EPHX1: variants seen among roughly 807,000 people sequenced by gnomAD.
EPHX1 encodes the protein epoxide hydratase.
Under a neutral mutation model 43.2 loss-of-function variants are expected in EPHX1, and 40 were observed. The ratio of observed to expected loss-of-function variants is 0.93; its 90% CI spans 0.72 to 1.21. EPHX1 has a LOEUF of 1.21. EPHX1 is among the 50% of genes most tolerant of loss of function. EPHX1 has a pLI of 0.00. For missense variants in EPHX1, 550 were observed against 570.4 expected, an observed-to-expected ratio of 0.96 and a Z score of 0.36; for synonymous variants, 221 against 226.7, an observed-to-expected ratio of 0.98 and a Z score of 0.22.
At chr1:225,811,818 G>A (rs2102671256) in intron 1 of EPHX1, among the ~76,000 whole-genome samples, 1 of 152,276 alleles carries the variant, frequency 6.6e-6, no homozygotes, top group South Asian at 2.1e-4. Context: ...AGGCATGGGC[G>A]GTACTTAGGA....
At chr1:225,832,350 A>G (rs1441586036) in intron 3 of EPHX1, among the ~76,000 whole-genome samples, 1 of 152,202 alleles carries the variant, frequency 6.6e-6, no homozygotes, top group Non-Finnish European at 1.5e-5. Flanking sequence ...AGCCTGGCCA[A>G]GATGGTGAAA....
chr1:225,845,555 A>C lies in EPHX1; in HGVS notation c.*208A>C, dbSNP rs781618590. 1.6e-6 allele frequency: 1 copy of C among 612,718 alleles called. No individual in the cohort carries two copies. Among genetic ancestry groups the C allele is most frequent in the Non-Finnish European group, 2.9e-6 (1 of 348,700 alleles). 38.0% of individuals were successfully genotyped at this position (612,718 alleles called of 1,614,324 possible). ...CATGGCTTTGATGATAAACGACTTT[A>C]CTCTAAAAGCGGCTGGAACTCAGTG... On this transcript the variant is annotated 3_prime_UTR_variant, in exon 9 of 9. Transcript: ENST00000272167.
At chr1:225,833,030 G>A (rs181538510) in intron 3 of EPHX1, among the ~76,000 whole-genome samples, 4 of 152,274 alleles carry the variant, frequency 2.6e-5, no homozygotes, top group Admixed American at 2.6e-4. Context: ...TGCTCAGGCT[G>A]GAGTGCAGCG....
Position 225,845,447 on chromosome 1 carries a change from C to T in EPHX1, c.*100C>T. 7.7e-7 allele frequency: 1 copy of T among 1,305,012 alleles called. No individual in the cohort carries two copies. Among genetic ancestry groups the T allele is most frequent in the Non-Finnish European group, 1.1e-6 (1 of 948,538 alleles). The allele number at this position is 1,305,012 out of a possible 1,614,324, so 80.8% of individuals were successfully genotyped here. On this transcript the variant is annotated 3_prime_UTR_variant, in exon 9 of 9. Coordinates refer to ENST00000272167, the MANE Select transcript of EPHX1 (RefSeq NM_001136018.4). ...TTCTGAGGAATGAGTTTGCCTCCGT[C>T]CCCTGCCCATGCTGGGAGCCCACGC...
chr1:225,839,835 G>T lies in EPHX1; in HGVS notation c.729G>T (p.Val243=). 6.2e-7 allele frequency: 1 copy of T among 1,613,836 alleles called. No individual in the cohort carries two copies. Among genetic ancestry groups the T allele is most frequent in the Non-Finnish European group, 8.5e-7 (1 of 1,179,950 alleles). The change falls in exon 6 of 9, where the codon GTG becomes GTT. Residue 243 remains valine, a synonymous_variant. Transcript: ENST00000272167. ...CCCCTCTCTCTGCCTTCAGCCACGT[G>T]AAAGGCCTGCACTTGAACATGGCTT... is the stretch of plus-strand genomic sequence containing the variant. ...TNMAQLVPSH[V]KGLHLNMALV...
At chr1:225,833,898 C>T (rs1300401466) in intron 3 of EPHX1, among the ~76,000 whole-genome samples, 9 of 149,998 alleles carry the variant, frequency 6.0e-5, no homozygotes, top group East Asian at 5.9e-4. Context: ...GAGATCGAGA[C>T]CATCCTGGTC....
chr1:225,829,049 C>A, intron 2 of EPHX1, 137 bp downstream of exon 2: 1 of 1,072,414 alleles, frequency 9.3e-7, no homozygotes. Flanking sequence ...GTGTTTCAGT[C>A]TGCTTTTCCT....
At chr1:225,843,332 A>G (rs1668592887) in intron 7 of EPHX1, among the ~76,000 whole-genome samples, 1 of 152,196 alleles carries the variant, frequency 6.6e-6, no homozygotes, top group African/African-American at 2.4e-5. Flanking sequence ...GAAAAGCAAT[A>G]AAAATGCAAG....
chr1:225,828,776 A>G lies in EPHX1; in HGVS notation c.47A>G (p.Tyr16Cys). Residue 16 changes from tyrosine (Y) to cysteine (C), a missense_variant, in exon 2 of 9, where the codon TAC becomes TGC. Transcript: ENST00000272167. ...LLTSVLGFAIYWFISRDKEET... is the reference protein window; with the variant it reads ...LLTSVLGFAICWFISRDKEET... ...ACTTCAGTGCTGGGCTTTGCCATCT[A>G]CTGGTTCATCTCCCGGGACAAAGAG... 6.2e-7 allele frequency: 1 copy of G among 1,613,390 alleles called. No homozygotes were observed. Among genetic ancestry groups the G allele is most frequent in the Non-Finnish European group, 8.5e-7 (1 of 1,179,910 alleles).
intron 1 of EPHX1, among the ~76,000 whole-genome samples, chr1:225,820,230 C>T (rs1230326485): frequency 6.6e-6 from 1 of 152,132 alleles, no homozygotes; most frequent in African/African-American, 2.4e-5. Flanking sequence ...TCCTGAGTAG[C>T]TGGGATTACA....
intron 1 of EPHX1, among the ~76,000 whole-genome samples, chr1:225,824,253 G>A (rs930513988): frequency 6.6e-6 from 1 of 152,004 alleles, no homozygotes. Context: ...CCTGGGAGAC[G>A]TCTGTGCCCT....
rs548117800 is a variant in EPHX1 at position 225,811,104 on chromosome 1, C to T, written c.-6+935C>T. On this transcript the variant is annotated intron_variant, in intron 1 of 8. Coordinates refer to ENST00000272167, the MANE Select transcript of EPHX1 (RefSeq NM_001136018.4). ...CCCTCTCCTCTTGTAGAACAGGAAA[C>T]TTGCCCGGGAGTTCACCTTGTAGTT... Among the ~76,000 whole-genome samples the T allele has an allele frequency of 2.0e-5, 3 of 152,308 alleles. No homozygotes were observed. The South Asian group carries it at 6.2e-4, about 32-fold the overall frequency.
At position 225,844,490 on chromosome 1, in the gene EPHX1, G is replaced by A. The variant is rs751536768; in HGVS notation, c.1041-8G>A. On this transcript the variant is annotated splice_region_variant and splice_polypyrimidine_tract_variant and intron_variant, in intron 7 of 8. Transcript: ENST00000272167. ...CTGAGAGTGGGGCTTTGTGTTCTGC[G>A]TTCCCAGGAAGTTCTCCCTGGACGA... 28 of 1,613,928 alleles carry A rather than the reference G, an allele frequency of 1.7e-5. No homozygotes were observed. Among genetic ancestry groups the A allele is most frequent in the Admixed American group, 1.0e-4 (6 of 59,996 alleles).
In EPHX1 at chr1:225,812,899, G is replaced by A. The variant is rs534938966; in HGVS notation, c.-6+2730G>A. ...ATACTGAAAACCCACCTCTGCTAGGGCCATAAATCCCATCAACAGCAATTC... is the reference window on the plus strand; with the variant it reads ...ATACTGAAAACCCACCTCTGCTAGGACCATAAATCCCATCAACAGCAATTC... On this transcript the variant is annotated intron_variant, in intron 1 of 8. Coordinates refer to ENST00000272167, the MANE Select transcript of EPHX1 (RefSeq NM_001136018.4). Among the ~76,000 whole-genome samples, 21 of 152,278 alleles carry A rather than the reference G, an allele frequency of 1.4e-4. No individual in the cohort carries two copies. The South Asian group carries it at 4.3e-3, about 32-fold the overall frequency.
intron 3 of EPHX1, among the ~76,000 whole-genome samples, chr1:225,834,280 C>T (rs936437493): frequency 6.6e-6 from 1 of 151,540 alleles, no homozygotes; most frequent in African/African-American, 2.4e-5. Context: ...TGGCACGTGC[C>T]TGTAGTTCCA....
At chr1:225,838,926 G>C (rs926016360) in intron 4 of EPHX1, 45 bp downstream of exon 4, 11 of 1,590,902 alleles carry the variant, frequency 6.9e-6, no homozygotes, top group Non-Finnish European at 9.5e-6. Context: ...TCCTCGCCAA[G>C]GGTGGGCCCG....
At chr1:225,839,153 A>G in intron 4 of EPHX1, 64 bp from the exon 5 acceptor site, 4 of 1,611,788 alleles carry the variant, frequency 2.5e-6, no homozygotes, top group Admixed American at 1.7e-5. Context: ...ATAGAACACC[A>G]GAGGGCCCAA....
chr1:225,838,561 C>A, intron 3 of EPHX1, 93 bp from the exon 4 acceptor site: 2 of 1,111,266 alleles, frequency 1.8e-6, no homozygotes, highest in Non-Finnish European at 2.7e-6. Flanking sequence ...CTAAGGGTGG[C>A]AGGACTCAAT....
intron 3 of EPHX1, 117 bp from the exon 4 acceptor site, chr1:225,838,537 G>C (rs893738038): frequency 9.8e-6 from 8 of 819,976 alleles, no homozygotes; most frequent in Middle Eastern, 6.5e-4. Flanking sequence ...TACCATGAAG[G>C]GGCGGCGGGG....
Sources: gnomAD v4.1 joint callset for allele counts (sites outside exome capture counted in the v4.1 genomes callset) on GRCh38, gnomAD v4.1.1 for gene constraint, MANE v1.5 for transcripts, NCBI Gene and HGNC (gene_info 2026-07-23, HGNC 2026-07-21) for gene names.